The following ADAMTSL1 variants were observed in gnomAD, a reference collection of about 807,000 sequenced individuals.
ADAMTSL1 encodes the protein ADAMTS like 1, also known as ADAMTS-like protein 1.
Under a neutral mutation model 201.8 loss-of-function variants are expected in ADAMTSL1, and 126 were observed. The ratio of observed to expected loss-of-function variants is 0.62; its 90% CI spans 0.54 to 0.72. The LOEUF (loss-of-function observed/expected upper bound fraction) is 0.72, where lower values mean the gene tolerates loss of function less well. ADAMTSL1 is among the 30% of genes least tolerant of loss of function. ADAMTSL1 has a pLI of 0.00. For synonymous variants in ADAMTSL1, 1,121 were observed against 903.4 expected (o/e 1.24, Z -4.32); for missense variants, 2,679 against 2,277.8 (o/e 1.18, Z -3.59).
At chr9:17,974,467 C>T (rs1818355567) in intron 1 of ADAMTSL1, among the ~76,000 whole-genome samples, 1 of 151,972 alleles carries the variant, frequency 6.6e-6, no homozygotes, top group Non-Finnish European at 1.5e-5. Context: ...ATCTCTGAAA[C>T]TTATTCATCC....
chr9:17,999,314 A>T (rs1253043274), intron 1 of ADAMTSL1, among the ~76,000 whole-genome samples: 42 of 152,030 alleles, frequency 2.8e-4, no homozygotes. Flanking sequence ...AGCCTATCAC[A>T]GAAGGGGCCA....
chr9:18,408,228 G>C (rs1480109026), intron 2 of ADAMTSL1, among the ~76,000 whole-genome samples: 1 of 152,184 alleles, frequency 6.6e-6, no homozygotes, highest in Non-Finnish European at 1.5e-5. Flanking sequence ...CAGCACTTTG[G>C]GAAGCCAGGG....
Position 18,777,225 on chromosome 9 carries a change from A to G in ADAMTSL1, c.2996A>G (p.Asn999Ser). 6.2e-7 allele frequency: 1 copy of G among 1,612,784 alleles called. No homozygotes were observed. ...GCCCTGCAGACCCACAAACACCAGA[A>G]CGGGATCTTCTCCAACGGCAGCAAG... ...KEALQTHKHQ[N>S]GIFSNGSKAE... The change falls in exon 19 of 29, where the codon AAC becomes AGC. Residue 999 changes from asparagine (N) to serine (S), a missense_variant. Coordinates refer to ENST00000380548, the MANE Select transcript of ADAMTSL1 (RefSeq NM_001040272.6).
chr9:18,122,105 A>G (rs926296354), intron 1 of ADAMTSL1, among the ~76,000 whole-genome samples: 10 of 152,308 alleles, frequency 6.6e-5, no homozygotes, highest in Non-Finnish European at 1.3e-4. Context: ...TTACAAAGTT[A>G]AACTTGGAGT....
chr9:18,325,174 G>T (rs1379732142), intron 2 of ADAMTSL1, among the ~76,000 whole-genome samples: 1 of 152,122 alleles, frequency 6.6e-6, no homozygotes. Context: ...TTTGGAAAAG[G>T]TTTGACAATT....
At chr9:18,680,250 C>A in intron 10 of ADAMTSL1, 62 bp from the exon 11 acceptor site, 1 of 1,518,082 alleles carries the variant, frequency 6.6e-7, no homozygotes, top group South Asian at 1.2e-5. Context: ...GTTGGTGGAC[C>A]AGTCACTGAG....
intron 2 of ADAMTSL1, among the ~76,000 whole-genome samples, chr9:18,512,279 C>T (rs1214933026): frequency 3.9e-5 from 6 of 151,996 alleles, no homozygotes; most frequent in South Asian, 2.1e-4. Flanking sequence ...GAGGCAAATG[C>T]GCTAAGGCCA....
At chr9:18,286,468 G>T (rs192499697) in intron 2 of ADAMTSL1, among the ~76,000 whole-genome samples, 1 of 152,224 alleles carries the variant, frequency 6.6e-6, no homozygotes. Flanking sequence ...AGAGGGTAGA[G>T]AGACAGGGTC....
intron 1 of ADAMTSL1, among the ~76,000 whole-genome samples, chr9:18,119,481 C>T (rs924226457): frequency 1.3e-5 from 2 of 151,832 alleles, no homozygotes; most frequent in African/African-American, 2.4e-5. Context: ...TTGTATTTTT[C>T]AGTAGAGACG....
Position 18,264,316 on chromosome 9 carries a change from C to T in ADAMTSL1, c.207+100335C>T, listed in dbSNP as rs150295900. On this transcript the variant is annotated intron_variant, in intron 2 of 29. Transcript: ENST00000680146. ...TGTCTAGCTTGAAATTTCTCTTAAT[C>T]GATCCTTAACTTCCAATGTATATTC... is the stretch of plus-strand genomic sequence containing the variant. 3.3e-5 allele frequency among the ~76,000 whole-genome samples: 5 copies of T among 152,216 alleles called. No homozygotes were observed. In the East Asian group the frequency reaches 9.6e-4, roughly 29 times the overall value.
At chr9:18,192,896 T>C (rs1358456372) in intron 2 of ADAMTSL1, among the ~76,000 whole-genome samples, 1 of 152,176 alleles carries the variant, frequency 6.6e-6, no homozygotes, top group East Asian at 1.9e-4. Context: ...GTATGAAACA[T>C]ATACTTTAAA....
At chr9:18,111,676 A>G (rs1010586854) in intron 1 of ADAMTSL1, among the ~76,000 whole-genome samples, 5 of 152,140 alleles carry the variant, frequency 3.3e-5, no homozygotes, top group Admixed American at 6.6e-5. Flanking sequence ...TCTTTTCTCA[A>G]CAGACAGTTT....
In ADAMTSL1 at chr9:18,669,970, T is replaced by C. The variant is rs372582757; in HGVS notation, c.1086-5887T>C. 7.2e-5 allele frequency among the ~76,000 whole-genome samples: 11 copies of C among 152,310 alleles called. No homozygotes were observed. The East Asian group carries it at 1.7e-3, about 24-fold the overall frequency. Reference sequence around the variant, plus strand: ...TTCCTCATTATGGCCAGATCCTCCATGCTTTGCTACTCACGAAATAGCAAA... The same window carrying C: ...TTCCTCATTATGGCCAGATCCTCCACGCTTTGCTACTCACGAAATAGCAAA... On this transcript the variant is annotated intron_variant, in intron 9 of 28. Transcript: ENST00000380548.
At chr9:18,788,100 A>T (rs1458649938) in intron 19 of ADAMTSL1, among the ~76,000 whole-genome samples, 1 of 152,228 alleles carries the variant, frequency 6.6e-6, no homozygotes, top group Non-Finnish European at 1.5e-5. Flanking sequence ...CAATTACATT[A>T]AAAACAGCAA....
At chr9:18,546,611 G>A (rs1464109436) in intron 3 of ADAMTSL1, among the ~76,000 whole-genome samples, 1 of 152,026 alleles carries the variant, frequency 6.6e-6, no homozygotes, top group African/African-American at 2.4e-5. Context: ...GTTTTACAAT[G>A]TGTAATTTAT....
chr9:18,089,282 G>A (rs1310639994), intron 1 of ADAMTSL1, among the ~76,000 whole-genome samples: 1 of 152,150 alleles, frequency 6.6e-6, no homozygotes, highest in Non-Finnish European at 1.5e-5. Context: ...ATACTCTGCA[G>A]CCATAAAAAA....
intron 2 of ADAMTSL1, among the ~76,000 whole-genome samples, chr9:18,370,183 G>A (rs990239180): frequency 2.0e-5 from 3 of 152,016 alleles, no homozygotes; most frequent in Non-Finnish European, 4.4e-5. Context: ...GGGAGGCTGA[G>A]GCAGGAAAGT....
intron 14 of ADAMTSL1, chr9:18,718,252 A>G (rs1587974363): frequency 1.3e-6 from 1 of 758,776 alleles, no homozygotes; most frequent in East Asian, 2.5e-5. Context: ...AAGTCTTGCA[A>G]ATCATTAAAT....
intron 6 of ADAMTSL1, among the ~76,000 whole-genome samples, chr9:18,637,403 A>T (rs894123810): frequency 1.3e-5 from 2 of 152,198 alleles, no homozygotes; most frequent in African/African-American, 4.8e-5. Flanking sequence ...TATTCAGGCC[A>T]AGAACATCAC....
Sources: allele counts gnomAD v4.1 joint callset (sites outside exome capture counted in the v4.1 genomes callset), GRCh38; gene constraint gnomAD v4.1.1; transcripts MANE v1.5; gene names NCBI Gene and HGNC (gene_info 2026-07-23, HGNC 2026-07-21).